Variants in STX7 observed in about 807,000 individuals in gnomAD.
STX7 encodes syntaxin 7.
In STX7, 34 loss-of-function variants were observed where a neutral mutation model predicts 39.6. That is an observed-to-expected ratio of 0.86 (90% CI 0.65 to 1.14). STX7 has a LOEUF of 1.14. STX7 is among the 50% of genes most tolerant of loss of function. STX7 has a pLI of 0.00. For synonymous variants in STX7, 119 were observed against 99.1 expected (o/e 1.20, Z -1.19); for missense variants, 284 against 310.4 (o/e 0.92, Z 0.64).
chr6:132,500,006 A>G (rs887774661), intron 2 of STX7, among the ~76,000 whole-genome samples: 2 of 151,894 alleles, frequency 1.3e-5, no homozygotes, highest in African/African-American at 4.8e-5. Context: ...ATCCCTACCC[A>G]CATGCATCAG....
In STX7 at chr6:132,459,000, C is replaced by T. The variant is rs143670832; in HGVS notation, c.*1758G>A. ...ATTTTATCAAGTACAGCAAAAAAAA[C>T]GGAACTGATTGTGAAAGCCATGGGG... is the stretch of plus-strand genomic sequence containing the variant. On this transcript the variant is annotated 3_prime_UTR_variant, in exon 10 of 10. Coordinates refer to ENST00000367941, the MANE Select transcript of STX7 (RefSeq NM_003569.3). The T allele has an allele frequency of 5.5e-4, 84 of 152,186 alleles. No homozygotes were observed. The highest frequency in any genetic ancestry group is 1.9e-3 in the African/African-American group (77 of 41,528). 9.4% of individuals were successfully genotyped at this position (152,186 alleles called of 1,614,324 possible).
intron 1 of STX7, among the ~76,000 whole-genome samples, chr6:132,511,198 G>A (rs994004308): frequency 2.0e-5 from 3 of 152,180 alleles, no homozygotes; most frequent in Non-Finnish European, 4.4e-5. Context: ...CACACCCAGC[G>A]TGAGGGTAAA....
chr6:132,496,758 C>T (rs2842891), intron 2 of STX7, among the ~76,000 whole-genome samples: 118,552 of 152,108 alleles, frequency 0.78, 46,326 homozygotes, highest in Middle Eastern at 0.9. Context: ...AAGGTCACAC[C>T]GCTATTTGGA....
intron 2 of STX7, among the ~76,000 whole-genome samples, chr6:132,502,326 T>C (rs1775586355): frequency 6.6e-6 from 1 of 152,176 alleles, no homozygotes; most frequent in South Asian, 2.1e-4. Flanking sequence ...TGTAAGGAAC[T>C]AGGCTGAAGA....
In STX7 at chr6:132,447,207, G is replaced by A. The variant is rs1454428103; in HGVS notation, c.*13551C>T. 6.6e-6 allele frequency: 1 copy of A among 152,192 alleles called. No individual in the cohort carries two copies. The highest frequency in any genetic ancestry group is 2.4e-5 in the African/African-American group (1 of 41,450). 9.4% of individuals were successfully genotyped at this position (152,192 alleles called of 1,614,324 possible). A position where few individuals can be genotyped will look rare whatever the true frequency, so the allele number is the denominator to read the frequency against. ...TGGAACTTACTGTGTAGTGGAAAGA[G>A]TTAGACTCACTAGACATTGATTAGC... On this transcript the variant is annotated 3_prime_UTR_variant, in exon 10 of 10. Coordinates refer to ENST00000367941, the MANE Select transcript of STX7 (RefSeq NM_003569.3).
chr6:132,492,724 G>A (rs1364478825), intron 2 of STX7, among the ~76,000 whole-genome samples: 3 of 152,142 alleles, frequency 2.0e-5, no homozygotes, highest in Non-Finnish European at 4.4e-5. Context: ...TGACCAGGGT[G>A]ACTGGAAGAT....
intron 2 of STX7, among the ~76,000 whole-genome samples, chr6:132,492,863 G>T (rs1304453749): frequency 2.0e-5 from 3 of 152,184 alleles, no homozygotes; most frequent in African/African-American, 4.8e-5. Flanking sequence ...ACAAAGCAGG[G>T]TATATAGGAA....
At chr6:132,482,427 G>A (rs557872715) in intron 2 of STX7, among the ~76,000 whole-genome samples, 36 of 152,152 alleles carry the variant, frequency 2.4e-4, no homozygotes, top group African/African-American at 8.7e-4. Context: ...AATATTATAC[G>A]GTATTAGTTC....
intron 1 of STX7, among the ~76,000 whole-genome samples, chr6:132,511,443 A>G (rs925496158): frequency 2.0e-5 from 3 of 152,158 alleles, no homozygotes; most frequent in Admixed American, 6.5e-5. Context: ...CTCTTTGTCA[A>G]TCTAACTTAC....
rs542741771 is a variant in STX7, at chr6:132,446,246, G to T, written c.*14512C>A. 2 of 152,126 alleles carry T rather than the reference G, an allele frequency of 1.3e-5. No individual in the cohort carries two copies. The highest frequency in any genetic ancestry group is 1.9e-4 in the East Asian group (1 of 5,188). 9.4% of individuals were successfully genotyped at this position (152,126 alleles called of 1,614,324 possible). A position where few individuals can be genotyped will look rare whatever the true frequency, so the allele number is the denominator to read the frequency against. ...ACTACCTGACCCTTATAATCATATG[G>T]TGAGTTGGTCTGATCATTCATCTTC... On this transcript the variant is annotated 3_prime_UTR_variant, in exon 10 of 10. Transcript: ENST00000367941.
At chr6:132,512,855 G>A (rs1003828579) in intron 1 of STX7, among the ~76,000 whole-genome samples, 152 bp downstream of exon 1, 2 of 152,192 alleles carry the variant, frequency 1.3e-5, no homozygotes. Context: ...AGCTGGGGCA[G>A]TCCCGCCCTT....
At chr6:132,469,925 G>T (rs1250950636) in intron 7 of STX7, 26 bp downstream of exon 7, 1 of 1,557,008 alleles carries the variant, frequency 6.4e-7, no homozygotes. Context: ...CAGAGCAGCA[G>T]CCCAAGTCTA....
chr6:132,450,535 T>C lies in STX7; in HGVS notation c.*10223A>G, dbSNP rs940673799. 3 of 151,628 alleles carry C rather than the reference T, an allele frequency of 2.0e-5. No individual in the cohort carries two copies. Among genetic ancestry groups the C allele is most frequent in the East Asian group, 1.9e-4 (1 of 5,186 alleles). 9.4% of individuals were successfully genotyped at this position (151,628 alleles called of 1,614,324 possible). On this transcript the variant is annotated 3_prime_UTR_variant, in exon 10 of 10. Transcript: ENST00000367941. ...ATTGATCCTCTCAAAAAAAAAAAAA[T>C]TGATACTCTCTTCTATAGTATAGGT...
rs1774617227 is a variant in STX7 at position 132,468,401 on chromosome 6, A to C, written c.610+2T>G. The C allele has an allele frequency of 2.5e-6, 4 of 1,607,840 alleles. No individual in the cohort carries two copies. The highest frequency in any genetic ancestry group is 3.4e-6 in the Non-Finnish European group (4 of 1,176,216). ...TCCAAAATCTAAGTCAGCAGGTCTT[A>C]CCTATTACATCTCCTTGTTCATGAA... On this transcript the variant is annotated splice_donor_variant, in intron 8 of 9. Coordinates refer to ENST00000367941, the MANE Select transcript of STX7 (RefSeq NM_003569.3). LOFTEE classifies it high-confidence loss of function.
At chr6:132,486,387 C>G (rs1016230971) in intron 2 of STX7, among the ~76,000 whole-genome samples, 7 of 152,130 alleles carry the variant, frequency 4.6e-5, no homozygotes, top group African/African-American at 1.4e-4. Context: ...CACTTCTACT[C>G]CTAGTTTACT....
intron 3 of STX7, 54 bp downstream of exon 3, chr6:132,475,539 A>G (rs1774851701): frequency 3.1e-6 from 4 of 1,274,446 alleles, no homozygotes; most frequent in Non-Finnish European, 4.4e-6. Flanking sequence ...AAGCAACAGA[A>G]TAATAGCAAT....
intron 3 of STX7, among the ~76,000 whole-genome samples, chr6:132,472,843 C>A (rs1169073546): frequency 6.7e-6 from 1 of 149,472 alleles, no homozygotes; most frequent in Non-Finnish European, 1.5e-5. Context: ...CATGTATATG[C>A]TATAGATACT....
Position 132,459,837 on chromosome 6 carries a change from G to A in STX7, c.*921C>T, listed in dbSNP as rs1031719863. Reference sequence around the variant, plus strand: ...GTCAGGTGCTCAAAAACAGTTAATTGTGGGAAAGTTACTTTCCAAAAGTAA... The same window carrying A: ...GTCAGGTGCTCAAAAACAGTTAATTATGGGAAAGTTACTTTCCAAAAGTAA... On this transcript the variant is annotated 3_prime_UTR_variant, in exon 10 of 10. Coordinates refer to ENST00000367941, the MANE Select transcript of STX7 (RefSeq NM_003569.3). 1 of 152,106 alleles carries A rather than the reference G, an allele frequency of 6.6e-6. No individual in the cohort carries two copies. The highest frequency in any genetic ancestry group is 1.5e-5 in the Non-Finnish European group (1 of 68,024). 9.4% of individuals were successfully genotyped at this position (152,106 alleles called of 1,614,324 possible).
chr6:132,480,583 T>C (rs905755595), intron 2 of STX7, among the ~76,000 whole-genome samples: 1 of 152,182 alleles, frequency 6.6e-6, no homozygotes, highest in Admixed American at 6.5e-5. Flanking sequence ...AGGTAATTAT[T>C]AAGCGGAATT....
Sources: allele counts gnomAD v4.1 joint callset (sites outside exome capture counted in the v4.1 genomes callset), GRCh38; gene constraint gnomAD v4.1.1; transcripts MANE v1.5; gene names NCBI Gene and HGNC (gene_info 2026-07-23, HGNC 2026-07-21).